The following STAT4 variants were observed in gnomAD, a reference collection of about 807,000 sequenced individuals.
STAT4 encodes the protein signal transducer and activator of transcription 4.
A neutral mutation model predicts 110.5 loss-of-function variants in STAT4; 42 were observed. That is an observed-to-expected ratio of 0.38 (90% CI 0.30 to 0.49). The LOEUF (loss-of-function observed/expected upper bound fraction) is 0.49. Among genes scored for constraint, STAT4 ranks in the 20% least tolerant of loss-of-function variants. STAT4 has a pLI of 0.95. For synonymous variants in STAT4, 284 were observed against 302.2 expected, an observed-to-expected ratio of 0.94 and a Z score of 0.63; for missense variants, 632 against 887.9, an observed-to-expected ratio of 0.71 and a Z score of 3.66.
chr2:191,034,784 A>T (rs775025725), intron 17 of STAT4, among the ~76,000 whole-genome samples, 187 bp from the exon 18 acceptor site: 1 of 152,214 alleles, frequency 6.6e-6, no homozygotes, highest in Non-Finnish European at 1.5e-5. Flanking sequence ...GAAATTTATT[A>T]TCTAGAAAAT....
At chr2:191,075,087 G>A (rs558376478) in intron 4 of STAT4, among the ~76,000 whole-genome samples, 32 of 152,144 alleles carry the variant, frequency 2.1e-4, no homozygotes, top group African/African-American at 7.5e-4. Flanking sequence ...TTGAACCTGG[G>A]AGGCAGAGGC....
At chr2:191,136,461 G>T (rs1699182943) in intron 3 of STAT4, among the ~76,000 whole-genome samples, 1 of 152,206 alleles carries the variant, frequency 6.6e-6, no homozygotes, top group Non-Finnish European at 1.5e-5. Context: ...ATGTCAAATT[G>T]TCTTTCTTGG....
rs990725052 is a variant in STAT4, at chr2:191,146,713, T to C, written c.173A>G (p.Gln58Arg). Residue 58 changes from glutamine (Q) to arginine (R), a missense_variant, in exon 3 of 24, where the codon CAA (glutamine) becomes CGA (arginine). Coordinates refer to ENST00000392320, the MANE Select transcript of STAT4 (RefSeq NM_003151.4). This position sits in a 1 kb window ranked among gnomAD's most constrained non-coding sequence, Gnocchi z 4.5. ...TTCATCCAGTTGTATTAACAAGTTT[T>C]GAAGAAGAATCGTTGCCATGGTTTC... ...NNETMATILL[Q>R]NLLIQLDEQL... The C allele has an allele frequency of 1.9e-6, 3 of 1,587,442 alleles. No homozygotes were observed. The highest frequency in any genetic ancestry group is 2.6e-6 in the Non-Finnish European group (3 of 1,168,590).
intron 3 of STAT4, among the ~76,000 whole-genome samples, chr2:191,128,008 A>T (rs945683706): frequency 2.6e-5 from 4 of 152,214 alleles, no homozygotes; most frequent in Admixed American, 2.0e-4. Flanking sequence ...ACAAATTGTG[A>T]TGCACACCAT....
rs1296416088 is a variant in STAT4, at chr2:191,090,139, G to A, written c.274-13814C>T. Among the ~76,000 whole-genome samples the A allele has an allele frequency of 6.6e-6, 1 of 152,102 alleles. No homozygotes were observed. The highest frequency in any genetic ancestry group is 1.5e-5 in the Non-Finnish European group (1 of 68,008). On this transcript the variant is annotated intron_variant, in intron 3 of 23. Transcript: ENST00000392320. This position sits in a 1 kb window ranked among gnomAD's most constrained non-coding sequence, Gnocchi z 4.2. Reference sequence around the variant, plus strand: ...TGTAAGATATAGGAGAAACTGGTGAGGGGTGTGAGAAGGAGACTAAGGGAG... The same window carrying A: ...TGTAAGATATAGGAGAAACTGGTGAAGGGTGTGAGAAGGAGACTAAGGGAG...
At chr2:191,072,578 T>C (rs904968976) in intron 5 of STAT4, among the ~76,000 whole-genome samples, 1 of 152,226 alleles carries the variant, frequency 6.6e-6, no homozygotes. Flanking sequence ...AAATGAATGC[T>C]ATGTAAGTTT....
chr2:191,034,451 TC>T, intron 18 of STAT4, 96 bp downstream of exon 18: 2 of 907,562 alleles, frequency 2.2e-6, no homozygotes, highest in Non-Finnish European at 3.5e-6. Flanking sequence ...AAAATTCTTA[TC>T]TGGGAAATTC....
rs1184740685 is a variant in STAT4 at position 191,112,360 on chromosome 2, T to C, written c.273+34253A>G. 6.6e-6 allele frequency among the ~76,000 whole-genome samples: 1 copy of C among 152,020 alleles called. No homozygotes were observed. The highest frequency in any genetic ancestry group is 1.9e-4 in the East Asian group (1 of 5,192). ...AGCCTCAGTTCCCTCATCTGTAAAA[T>C]GGAAGAAATAACATTACATACCTGC... On this transcript the variant is annotated intron_variant, in intron 3 of 23. Transcript: ENST00000392320. The surrounding 1 kb of genome is among the most constrained non-coding windows in gnomAD (Gnocchi z 4.3).
chr2:191,134,441 A>G (rs1419975826), intron 3 of STAT4, among the ~76,000 whole-genome samples: 1 of 152,222 alleles, frequency 6.6e-6, no homozygotes, highest in African/African-American at 2.4e-5. Context: ...CTGGGTCCCA[A>G]GGACAGACAT....
At chr2:191,084,080 G>C (rs1311975175) in intron 3 of STAT4, among the ~76,000 whole-genome samples, 1 of 152,004 alleles carries the variant, frequency 6.6e-6, no homozygotes, top group Admixed American at 6.6e-5. Flanking sequence ...TGACCAACAA[G>C]GTGAAACCCC....
At position 191,107,061 on chromosome 2, in the gene STAT4, C is replaced by T. The variant is rs1374983925; in HGVS notation, c.274-30736G>A. On this transcript the variant is annotated intron_variant, in intron 3 of 23. Coordinates refer to ENST00000392320, the MANE Select transcript of STAT4 (RefSeq NM_003151.4). This position sits in a 1 kb window ranked among gnomAD's most constrained non-coding sequence, Gnocchi z 4.2. ...ACATGTATGAAATTCAAGTACTCTACACATTAATGTCAGCAGTAGAAACGT... is the reference window on the plus strand; with the variant it reads ...ACATGTATGAAATTCAAGTACTCTATACATTAATGTCAGCAGTAGAAACGT... Among the ~76,000 whole-genome samples the T allele has an allele frequency of 6.6e-6, 1 of 152,124 alleles. No homozygotes were observed. Among genetic ancestry groups the T allele is most frequent in the African/African-American group, 2.4e-5 (1 of 41,410 alleles).
At position 191,037,734 on chromosome 2, in the gene STAT4, A is replaced by G. The variant is rs544761600; in HGVS notation, c.1435-1435T>C. ...GGAATGAAAGAGGACACAGCATCCA[A>G]CAAGGAATGGGCAATAGGAAGAGGA... On this transcript the variant is annotated intron_variant, in intron 16 of 23. Coordinates refer to ENST00000392320, the MANE Select transcript of STAT4 (RefSeq NM_003151.4). This position sits in a 1 kb window ranked among gnomAD's most constrained non-coding sequence, Gnocchi z 4.8. Among the ~76,000 whole-genome samples, 1 of 152,306 alleles carries G rather than the reference A, an allele frequency of 6.6e-6. No homozygotes were observed. The highest frequency in any genetic ancestry group is 2.4e-5 in the African/African-American group (1 of 41,568).
chr2:191,150,339 CT>C lies in STAT4; in HGVS notation c.-2+607del. 6.6e-6 allele frequency among the ~76,000 whole-genome samples: 1 copy of C among 152,290 alleles called. No individual in the cohort carries two copies. The highest frequency in any genetic ancestry group is 2.1e-4 in the South Asian group (1 of 4,826). ...TGCTTTCACTCTCTAGGGGCTACTT[CT>C]TTCTCATGAAAACTGTGACGTTGCT... On this transcript the variant is annotated intron_variant, in intron 1 of 23. Coordinates refer to ENST00000392320, the MANE Select transcript of STAT4 (RefSeq NM_003151.4). This position sits in a 1 kb window ranked among gnomAD's most constrained non-coding sequence, Gnocchi z 6.4.
At chr2:191,064,653 T>C (rs552334766) in intron 8 of STAT4, among the ~76,000 whole-genome samples, 154 bp downstream of exon 8, 4 of 152,364 alleles carry the variant, frequency 2.6e-5, no homozygotes, top group African/African-American at 9.6e-5. Context: ...CTTATACTAT[T>C]TGTTTTCAAC....
chr2:191,045,430 C>T (rs1274219393), intron 14 of STAT4, among the ~76,000 whole-genome samples: 1 of 151,970 alleles, frequency 6.6e-6, no homozygotes, highest in African/African-American at 2.4e-5. Context: ...TGTGTTTAAT[C>T]TCAAAAAGGA....
At position 191,096,422 on chromosome 2, in the gene STAT4, C is replaced by T. The variant is rs141064643; in HGVS notation, c.274-20097G>A. ...AGCACATCAAAAAGCTTATCCACCA[C>T]GATCAAGTTGGCTTCATCCCTGGGA... On this transcript the variant is annotated intron_variant, in intron 3 of 23. Coordinates refer to ENST00000392320, the MANE Select transcript of STAT4 (RefSeq NM_003151.4). 7.9e-3 allele frequency among the ~76,000 whole-genome samples: 1,210 copies of T among 152,240 alleles called. 15 individuals are homozygous for T. Among genetic ancestry groups the T allele is most frequent in the Middle Eastern group, 0.041 (12 of 294 alleles).
At chr2:191,102,350 T>C (rs182335475) in intron 3 of STAT4, among the ~76,000 whole-genome samples, 2 of 152,254 alleles carry the variant, frequency 1.3e-5, no homozygotes, top group East Asian at 1.9e-4. Context: ...GTTTGCTATA[T>C]AGTCTATTCC....
At chr2:191,134,172 T>G (rs989886674) in intron 3 of STAT4, among the ~76,000 whole-genome samples, 3 of 152,202 alleles carry the variant, frequency 2.0e-5, no homozygotes, top group Middle Eastern at 3.2e-3. Context: ...CCCACCCACA[T>G]GTGCTACCTA....
intron 3 of STAT4, among the ~76,000 whole-genome samples, chr2:191,084,998 G>T (rs1294973029): frequency 6.6e-6 from 1 of 151,128 alleles, no homozygotes; most frequent in Non-Finnish European, 1.5e-5. Flanking sequence ...TCTCGAACAA[G>T]ATTTTTGTGT....
Sources: allele counts gnomAD v4.1 joint callset (sites outside exome capture counted in the v4.1 genomes callset), GRCh38; gene constraint gnomAD v4.1.1; non-coding constraint Gnocchi (gnomAD v3.1); transcripts MANE v1.5; gene names NCBI Gene and HGNC (gene_info 2026-07-23, HGNC 2026-07-21).